TSPEAR: variants seen among roughly 807,000 people sequenced by gnomAD.
TSPEAR encodes the protein thrombospondin type laminin G domain and EAR repeats, also known as thrombospondin-type laminin G domain and EAR repeat-containing protein.
Under a neutral mutation model 71.6 loss-of-function variants are expected in TSPEAR, and 69 were observed. That is an observed-to-expected ratio of 0.96 (90% CI 0.79 to 1.18). The LOEUF is 1.18. Ranked by LOEUF, TSPEAR falls within the 50% of genes most tolerant of loss-of-function variation. The pLI is 0.00. For synonymous variants in TSPEAR, 402 were observed against 387.2 expected (o/e 1.04, Z -0.45); for missense variants, 971 against 894.9 (o/e 1.09, Z -1.09).
At chr21:44,538,617 G>A (rs62218856) in intron 2 of TSPEAR, among the ~76,000 whole-genome samples, 9 of 152,080 alleles carry the variant, frequency 5.9e-5, no homozygotes, top group Non-Finnish European at 1.3e-4. Flanking sequence ...ACACAGGGAG[G>A]GTGACCAGGC....
At chr21:44,578,764 T>TC (rs1348043887) in intron 1 of TSPEAR, among the ~76,000 whole-genome samples, 1 of 151,670 alleles carries the variant, frequency 6.6e-6, no homozygotes, top group Non-Finnish European at 1.5e-5. Flanking sequence ...TGGAAGGCCA[T>TC]CCCCCCAGAA....
chr21:44,698,594 A>G (rs1352637883), intron 1 of TSPEAR, among the ~76,000 whole-genome samples: 1 of 152,198 alleles, frequency 6.6e-6, no homozygotes, highest in Admixed American at 6.5e-5. Context: ...TTCCCCGCCA[A>G]GTTGCCAGTC....
intron 2 of TSPEAR, among the ~76,000 whole-genome samples, chr21:44,535,709 GGT>G (rs2053077403): frequency 6.6e-6 from 1 of 152,094 alleles, no homozygotes; most frequent in East Asian, 1.9e-4. Context: ...TGGGACTACA[GGT>G]GCACACCACC....
rs1372930980 is a variant in TSPEAR, at chr21:44,599,172, C to CTCTCTCTCTCTCTCTCTCAATGTA, written c.83-31168_83-31167insTACATTGAGAGAGAGAGAGAGAGA. On this transcript the variant is annotated intron_variant, in intron 1 of 11. Coordinates refer to ENST00000323084, the MANE Select transcript of TSPEAR (RefSeq NM_144991.3). ...TCTCTCTCTCTCTCTCTCTCTCTCT[C>CTCTCTCTCTCTCTCTCTCAATGTA]CTTCCATCCCATAGGACCAGATCCT... is the stretch of plus-strand genomic sequence containing the variant. Among the ~76,000 whole-genome samples the CTCTCTCTCTCTCTCTCTCAATGTA allele has an allele frequency of 8.6e-4, 125 of 146,064 alleles. 5 individuals carry two copies. Among genetic ancestry groups the CTCTCTCTCTCTCTCTCTCAATGTA allele is most frequent in the African/African-American group, 3.2e-3 (120 of 38,042 alleles).
At chr21:44,514,180 G>A (rs1021249589) in intron 9 of TSPEAR, among the ~76,000 whole-genome samples, 5 of 152,186 alleles carry the variant, frequency 3.3e-5, no homozygotes, top group East Asian at 1.9e-4. Flanking sequence ...GACCCCTCAT[G>A]CCACCCCCTT....
rs1346052744 is a variant in TSPEAR, at chr21:44,708,015, A to G, written c.82+3418T>C. On this transcript the variant is annotated intron_variant, in intron 1 of 11. Transcript: ENST00000323084. ...CTCCCCGCCCCGCGCGTGCACACAC[A>G]CACACACACACACACACACACACAC... is the stretch of plus-strand genomic sequence containing the variant. 2.0e-3 allele frequency among the ~76,000 whole-genome samples: 116 copies of G among 58,850 alleles called. 1 individual carries two copies. The highest frequency in any genetic ancestry group is 7.6e-3 in the African/African-American group (99 of 13,042). The allele number at this position is 58,850 out of a possible 152,430, so 38.6% of individuals were successfully genotyped here. A position where few individuals can be genotyped will look rare whatever the true frequency, so the allele number is the denominator to read the frequency against.
intron 1 of TSPEAR, among the ~76,000 whole-genome samples, chr21:44,629,197 G>C (rs1983104332): frequency 6.6e-6 from 1 of 152,172 alleles, no homozygotes; most frequent in Non-Finnish European, 1.5e-5. Context: ...GTCGGGTTTG[G>C]GGGCCTCGGC....
intron 2 of TSPEAR, among the ~76,000 whole-genome samples, chr21:44,538,362 G>A (rs587695541): frequency 1.3e-5 from 2 of 150,592 alleles, no homozygotes; most frequent in Non-Finnish European, 2.9e-5. Flanking sequence ...CTGTGTGCCC[G>A]CACCGGCATC....
chr21:44,656,673 A>C (rs1406668840), intron 1 of TSPEAR, among the ~76,000 whole-genome samples: 2 of 151,948 alleles, frequency 1.3e-5, no homozygotes, highest in Non-Finnish European at 2.9e-5. Context: ...ATCCTCCTAA[A>C]GGTTCTGAGA....
chr21:44,587,433 G>C (rs9975261), intron 1 of TSPEAR, among the ~76,000 whole-genome samples: 1,636 of 152,264 alleles, frequency 0.011, 32 homozygotes, highest in African/African-American at 0.038. Context: ...TGGATGGGTA[G>C]AATCAATGTT....
intron 1 of TSPEAR, among the ~76,000 whole-genome samples, chr21:44,671,809 A>T (rs1369115050): frequency 6.6e-6 from 1 of 152,204 alleles, no homozygotes; most frequent in Non-Finnish European, 1.5e-5. Flanking sequence ...AGGAAATGTC[A>T]CACCTCCAAA....
chr21:44,568,329 G>T (rs587637046), intron 1 of TSPEAR, among the ~76,000 whole-genome samples: 1 of 152,196 alleles, frequency 6.6e-6, no homozygotes, highest in Non-Finnish European at 1.5e-5. Flanking sequence ...TGTGCGGGAC[G>T]AAGGAAGGAA....
At chr21:44,627,661 C>G in intron 1 of TSPEAR, 1 of 1,613,444 alleles carries the variant, frequency 6.2e-7, no homozygotes, top group Non-Finnish European at 8.5e-7. Context: ...TTCATGCTGC[C>G]AACAGTCTAG....
intron 1 of TSPEAR, among the ~76,000 whole-genome samples, chr21:44,595,785 A>T (rs1212068921): frequency 2.0e-5 from 3 of 152,206 alleles, no homozygotes; most frequent in Non-Finnish European, 4.4e-5. Flanking sequence ...CATACATATA[A>T]TGCCTCTGTA....
chr21:44,590,863 G>A (rs1437108921), intron 1 of TSPEAR, among the ~76,000 whole-genome samples: 1 of 152,008 alleles, frequency 6.6e-6, no homozygotes, highest in African/African-American at 2.4e-5. Flanking sequence ...ATGTGCTGGG[G>A]TTGGGGGCCC....
At position 44,637,427 on chromosome 21, in the gene TSPEAR, T is replaced by C. The variant is rs376940079; in HGVS notation, c.83-69422A>G. On this transcript the variant is annotated intron_variant, in intron 1 of 11. Coordinates refer to ENST00000323084, the MANE Select transcript of TSPEAR (RefSeq NM_144991.3). Reference sequence around the variant, plus strand: ...GCCTCCCCACTCCAGCATGGCCGCCTCCACCATGTCCATCTGCTCCAGCGC... The same window carrying C: ...GCCTCCCCACTCCAGCATGGCCGCCCCCACCATGTCCATCTGCTCCAGCGC... 3.7e-6 allele frequency: 6 copies of C among 1,605,796 alleles called. No individual in the cohort carries two copies. The African/African-American group carries it at 8.0e-5, about 21-fold the overall frequency.
intron 2 of TSPEAR, among the ~76,000 whole-genome samples, chr21:44,545,809 A>T (rs1031343930): frequency 6.6e-6 from 1 of 152,298 alleles, no homozygotes; most frequent in East Asian, 1.9e-4. Flanking sequence ...AAAAAAAAAT[A>T]AAGATCTCAA....
At chr21:44,676,307 A>C (rs1986310429) in intron 1 of TSPEAR, 1 of 1,208,176 alleles carries the variant, frequency 8.3e-7, no homozygotes, top group African/African-American at 1.5e-5. Context: ...GCTGTGGCTA[A>C]AGCTTTAGTA....
chr21:44,666,558 C>T, intron 1 of TSPEAR: 1 of 1,599,826 alleles, frequency 6.3e-7, no homozygotes. Flanking sequence ...GACAGGCCTG[C>T]AGCTCACAGG....
Sources: allele counts gnomAD v4.1 joint callset (sites outside exome capture counted in the v4.1 genomes callset), GRCh38; gene constraint gnomAD v4.1.1; transcripts MANE v1.5; gene names NCBI Gene and HGNC (gene_info 2026-07-23, HGNC 2026-07-21).